Variants in COL24A1 observed in about 807,000 individuals in gnomAD.
COL24A1 encodes collagen type XXIV alpha 1 chain.
COL24A1 carries 224 observed loss-of-function variants against 253.9 expected under a neutral mutation model. The observed-to-expected ratio is 0.88, with a 90% CI of 0.79 to 0.99. The LOEUF is 0.99. Among genes scored for constraint, COL24A1 ranks in the 50% least tolerant of loss-of-function variants. The pLI, the probability that COL24A1 is intolerant of heterozygous loss-of-function variation, is 0.00. For missense variants in COL24A1, 2,131 were observed against 2,068.5 expected (o/e 1.03, Z -0.59); for synonymous variants, 685 against 673.7 (o/e 1.02, Z -0.26).
At chr1:85,990,649 C>T (rs935208663) in intron 19 of COL24A1, among the ~76,000 whole-genome samples, 3 of 152,224 alleles carry the variant, frequency 2.0e-5, no homozygotes, top group Middle Eastern at 3.4e-3. Context: ...AGAAAGCTTT[C>T]GAAGGTATCA....
chr1:86,121,290 TA>T (rs66557706), intron 3 of COL24A1, among the ~76,000 whole-genome samples: 81,799 of 151,802 alleles, frequency 0.54, 22,560 homozygotes, highest in Non-Finnish European at 0.62. Flanking sequence ...TAAAGTATAA[TA>T]AAAAAAAATT....
intron 55 of COL24A1, among the ~76,000 whole-genome samples, chr1:85,747,688 T>C (rs1477587215): frequency 6.6e-6 from 1 of 152,138 alleles, no homozygotes; most frequent in African/African-American, 2.4e-5. Context: ...CTAATAGAGA[T>C]ATGTAGTAGG....
At chr1:85,988,731 G>C (rs1693959670) in intron 19 of COL24A1, among the ~76,000 whole-genome samples, 1 of 152,082 alleles carries the variant, frequency 6.6e-6, no homozygotes, top group South Asian at 2.1e-4. Context: ...AGATGGAACA[G>C]CAAAGTTGTT....
At chr1:86,066,230 CCTT>C (rs1464012255) in intron 7 of COL24A1, among the ~76,000 whole-genome samples, 1 of 140,464 alleles carries the variant, frequency 7.1e-6, no homozygotes, top group Non-Finnish European at 1.5e-5. Context: ...TCCTAAGTCT[CCTT>C]TTTTTTTTTT....
At chr1:85,834,147 A>C (rs1675717419) in intron 43 of COL24A1, among the ~76,000 whole-genome samples, 1 of 152,062 alleles carries the variant, frequency 6.6e-6, no homozygotes, top group Non-Finnish European at 1.5e-5. Flanking sequence ...AAGTAAATAC[A>C]AAAAAATGGT....
chr1:85,782,334 C>T (rs190848512), intron 51 of COL24A1, among the ~76,000 whole-genome samples: 85 of 152,292 alleles, frequency 5.6e-4, no homozygotes, highest in Non-Finnish European at 8.5e-4. Flanking sequence ...GCAATCCACC[C>T]GCCTTGGCCT....
chr1:85,947,295 A>G (rs574525807), intron 24 of COL24A1, among the ~76,000 whole-genome samples: 15 of 152,334 alleles, frequency 9.8e-5, no homozygotes, highest in South Asian at 8.3e-4. Flanking sequence ...TTTCTGCCAT[A>G]TGCCAGGAAT....
chr1:85,741,529 T>C (rs766223470), intron 57 of COL24A1, among the ~76,000 whole-genome samples: 7 of 152,180 alleles, frequency 4.6e-5, no homozygotes, highest in Non-Finnish European at 7.4e-5. Flanking sequence ...TTATCTTTAC[T>C]ACTAGAATGC....
At chr1:86,016,996 G>A (rs1697052685) in intron 19 of COL24A1, among the ~76,000 whole-genome samples, 155 bp downstream of exon 19, 1 of 152,092 alleles carries the variant, frequency 6.6e-6, no homozygotes, top group South Asian at 2.1e-4. Context: ...CATACCTCGT[G>A]ACATAACAGA....
intron 53 of COL24A1, among the ~76,000 whole-genome samples, chr1:85,763,411 C>T (rs1023087606): frequency 4.0e-5 from 6 of 151,714 alleles, no homozygotes; most frequent in Non-Finnish European, 8.8e-5. Flanking sequence ...GAGTGAGACT[C>T]TGTCTCCAAA....
chr1:85,842,474 A>C, intron 39 of COL24A1, 81 bp from the exon 40 acceptor site: 1 of 973,416 alleles, frequency 1.0e-6, no homozygotes, highest in Non-Finnish European at 1.6e-6. Flanking sequence ...CTATTGTTTA[A>C]ATTGTTACCT....
intron 20 of COL24A1, among the ~76,000 whole-genome samples, chr1:85,983,792 A>T (rs974177661): frequency 2.6e-5 from 4 of 151,884 alleles, no homozygotes; most frequent in Non-Finnish European, 4.4e-5. Context: ...TTCAACAAAA[A>T]TGAGAAGGAC....
At chr1:85,846,605 A>G (rs927208999) in intron 39 of COL24A1, among the ~76,000 whole-genome samples, 1 of 152,050 alleles carries the variant, frequency 6.6e-6, no homozygotes, top group Non-Finnish European at 1.5e-5. Flanking sequence ...ATAAGAAAAA[A>G]GTGCAATTGG....
intron 55 of COL24A1, among the ~76,000 whole-genome samples, chr1:85,758,162 T>C (rs1666458855): frequency 6.6e-6 from 1 of 152,114 alleles, no homozygotes; most frequent in Non-Finnish European, 1.5e-5. Context: ...TTCATATGTC[T>C]AAAGTTTCAA....
At chr1:85,956,291 C>A (rs568614763) in intron 24 of COL24A1, among the ~76,000 whole-genome samples, 2 of 152,322 alleles carry the variant, frequency 1.3e-5, no homozygotes, top group South Asian at 4.1e-4. Context: ...GACTCCACCT[C>A]TTTTTGCTTC....
chr1:85,898,536 T>A (rs1683984169), intron 28 of COL24A1, among the ~76,000 whole-genome samples: 1 of 152,198 alleles, frequency 6.6e-6, no homozygotes, highest in African/African-American at 2.4e-5. Flanking sequence ...TATTTTCCAA[T>A]GAAGGACTGA....
intron 16 of COL24A1, 90 bp from the exon 17 acceptor site, chr1:86,022,681 TTCTC>T: frequency 7.2e-7 from 1 of 1,385,500 alleles, no homozygotes. Context: ...GAAGAATAAT[TTCTC>T]TATTTTTCTT....
At chr1:85,766,055 C>CTCTGTT (rs1667332009) in intron 53 of COL24A1, among the ~76,000 whole-genome samples, 1 of 152,038 alleles carries the variant, frequency 6.6e-6, no homozygotes, top group South Asian at 2.1e-4. Flanking sequence ...AAAACTCTGG[C>CTCTGTT]TCTGTTTAGA....
At position 85,965,849 on chromosome 1, in the gene COL24A1, T is replaced by C. The variant is rs185816254; in HGVS notation, c.2464-787A>G. On this transcript the variant is annotated intron_variant, in intron 22 of 59. Transcript: ENST00000370571. ...GGAGGAACCAGGAGAAGCTGAAGAA[T>C]TGAGAGAAGACCAGTAAAGTGATGA... 2.0e-5 allele frequency among the ~76,000 whole-genome samples: 3 copies of C among 152,096 alleles called. No individual in the cohort carries two copies. The East Asian group carries it at 5.8e-4, about 29-fold the overall frequency.
Sources: gnomAD v4.1 joint callset for allele counts (sites outside exome capture counted in the v4.1 genomes callset) on GRCh38, gnomAD v4.1.1 for gene constraint, MANE v1.5 for transcripts, NCBI Gene and HGNC (gene_info 2026-07-23, HGNC 2026-07-21) for gene names.